Variants in DHX29 observed in about 807,000 individuals in gnomAD.
The protein encoded by DHX29 is DExH-box helicase 29, also known as ATP-dependent RNA helicase DHX29.
DHX29 carries 79 observed loss-of-function variants against 167.9 expected under a neutral mutation model. The ratio of observed to expected loss-of-function variants is 0.47; its 90% confidence interval spans 0.39 to 0.57. The LOEUF is 0.57. Ranked by LOEUF, DHX29 falls within the 20% of genes least tolerant of loss-of-function variation. The probability of loss-of-function intolerance (pLI) is 0.00; values close to 1 mark genes in which losing one functional copy is unlikely to be tolerated. For synonymous variants in DHX29, 530 were observed against 546.0 expected, an observed-to-expected ratio of 0.97 and a Z score of 0.41; for missense variants, 1,347 against 1,593.4, an observed-to-expected ratio of 0.85 and a Z score of 2.63.
chr5:55,262,370 C>A (rs1187713665), intron 24 of DHX29, among the ~76,000 whole-genome samples: 1 of 152,124 alleles, frequency 6.6e-6, no homozygotes, highest in Non-Finnish European at 1.5e-5. Context: ...ACATTATTAA[C>A]CAACATCAAT....
chr5:55,299,036 C>CAAAA (rs35986300), intron 1 of DHX29, among the ~76,000 whole-genome samples: 141 of 75,478 alleles, frequency 1.9e-3, no homozygotes, highest in Non-Finnish European at 2.5e-3. Context: ...GACTCCGTCT[C>CAAAA]AAAAAAAAAA....
chr5:55,264,338 G>A (rs185593551), intron 23 of DHX29, among the ~76,000 whole-genome samples: 35 of 152,174 alleles, frequency 2.3e-4, no homozygotes, highest in African/African-American at 8.4e-4. Context: ...AAACCATCTG[G>A]TTTCCGTTCC....
rs1746226866 is a variant in DHX29 at position 55,259,871 on chromosome 5, T to G, written c.4034A>C (p.Glu1345Ala). ...ACTTTCAAGGGACATCTTTGGATTT[T>G]CAAGCTTTTTTCTTAAAACTGAATC... The part of the protein sequence containing the change: ...LIDSVLRKKL[E>A]NPKMSLENDK... Residue 1345 changes from glutamate (E) to alanine (A), a missense_variant, in exon 26 of 27, where the codon GAA (glutamate) becomes GCA (alanine). This residue lies in a region of DHX29 where 882 missense variants were observed against 1,082.4 expected (regional missense o/e 0.81). Coordinates refer to ENST00000251636, the MANE Select transcript of DHX29 (RefSeq NM_019030.4). 5.0e-6 allele frequency: 8 copies of G among 1,608,144 alleles called. No individual in the cohort carries two copies. The highest frequency in any genetic ancestry group is 1.7e-5 in the Admixed American group (1 of 59,968).
At chr5:55,267,032 C>T (rs987583406) in intron 23 of DHX29, 106 bp downstream of exon 23, 1 of 665,328 alleles carries the variant, frequency 1.5e-6, no homozygotes, top group Admixed American at 3.2e-5. Flanking sequence ...CAAATGTTTA[C>T]TAAGCCCTTA....
chr5:55,285,242 A>G (rs200057425), intron 10 of DHX29, 51 bp downstream of exon 10: 109 of 1,586,498 alleles, frequency 6.9e-5, no homozygotes, highest in Middle Eastern at 5.1e-4. Flanking sequence ...TTGAACCATA[A>G]TTAAATACTG....
intron 15 of DHX29, 22 bp downstream of exon 15, chr5:55,274,844 C>A (rs1471733646): frequency 6.2e-7 from 1 of 1,603,366 alleles, no homozygotes; most frequent in Non-Finnish European, 8.5e-7. Flanking sequence ...CAAATGGAGA[C>A]CCATTAGAAA....
Position 55,294,058 on chromosome 5 carries a change from C to A in DHX29, c.739G>T (p.Glu247Ter). Residue 247 changes from glutamate to a stop codon, truncating the protein, a stop_gained, in exon 6 of 27, where the codon GAG becomes TAG. Transcript: ENST00000251636. LOFTEE classifies it high-confidence loss of function. The stretch of plus-strand genomic sequence containing the variant: ...TCCTCTTCTAAACTTTTAGAATTCT[C>A]ATTCTTTTCTTCTTCATTTTGTTGT... The part of the protein sequence containing the change: ...AEQQNEEEKN[E>*]NSKSLEEEEK... 6.2e-7 allele frequency: 1 copy of A among 1,608,852 alleles called. No homozygotes were observed. Among genetic ancestry groups the A allele is most frequent in the Non-Finnish European group, 8.5e-7 (1 of 1,178,204 alleles).
intron 20 of DHX29, among the ~76,000 whole-genome samples, chr5:55,269,960 G>T (rs1209346874): frequency 6.6e-6 from 1 of 152,098 alleles, no homozygotes; most frequent in Non-Finnish European, 1.5e-5. Flanking sequence ...AGTCTAAGAA[G>T]ACCTTTGTTT....
rs373454754 is a variant in DHX29 at position 55,285,261 on chromosome 5, A to G, written c.1356+32T>C. ...ACCATAATTAAATACTGCCTTCCAC[A>G]TACAGATATAGTTAGGCCTAAAAAG... On this transcript the variant is annotated intron_variant, in intron 10 of 26. Transcript: ENST00000251636. The G allele has an allele frequency of 4.7e-5, 75 of 1,605,170 alleles. No homozygotes were observed. The African/African-American group carries it at 9.1e-4, about 19-fold the overall frequency.
intron 17 of DHX29, 80 bp downstream of exon 17, chr5:55,273,213 C>T: frequency 7.1e-7 from 1 of 1,410,984 alleles, no homozygotes; most frequent in South Asian, 1.8e-5. Context: ...TAACAACTGT[C>T]TTTGATGATA....
In DHX29 at chr5:55,274,967, G is replaced by C. The variant is rs781761646; in HGVS notation, c.2471C>G (p.Pro824Arg). The C allele has an allele frequency of 1.9e-6, 3 of 1,613,840 alleles. No homozygotes were observed. In the South Asian group the frequency reaches 3.3e-5, roughly 18 times the overall value. The change falls in exon 15 of 27, where the codon CCA (proline) becomes CGA (arginine). Residue 824 changes from proline (P) to arginine (R), a missense_variant. By Grantham distance (103) the Pro-to-Arg change is moderately radical. Transcript: ENST00000251636. ...VQTGAHADLN[P>R]FYQKYSSRTQ... The stretch of plus-strand genomic sequence containing the variant: ...GCGGCTGCTGTACTTTTGGTAAAAT[G>C]GATTTAAATCAGCATGTGCTCCAGT...
chr5:55,278,308 T>G (rs1382745744), intron 12 of DHX29, among the ~76,000 whole-genome samples: 3 of 152,348 alleles, frequency 2.0e-5, no homozygotes, highest in Admixed American at 1.3e-4. Flanking sequence ...TTCATTTGTT[T>G]GGAAGGGAGG....
At position 55,274,929 on chromosome 5, in the gene DHX29, T is replaced by C. The variant is rs555451068; in HGVS notation, c.2509A>G (p.Ile837Val). Residue 837 changes from isoleucine (I) to valine (V), a missense_variant, in exon 15 of 27, where the codon ATT (isoleucine) becomes GTT (valine). Transcript: ENST00000251636. The stretch of plus-strand genomic sequence containing the variant: ...ATTTTATGAGGATTCATGTATAGAA[T>C]AGCATGCTGAGTGCGGCTGCTGTAC... ...QKYSSRTQHA[I>V]LYMNPHKINL... 22 of 1,613,908 alleles carry C rather than the reference T, an allele frequency of 1.4e-5. No individual in the cohort carries two copies. The highest frequency in any genetic ancestry group is 1.7e-4 in the Middle Eastern group (1 of 6,056).
intron 1 of DHX29, among the ~76,000 whole-genome samples, chr5:55,303,495 G>A (rs1335952572): frequency 6.6e-6 from 1 of 152,170 alleles, no homozygotes; most frequent in East Asian, 1.9e-4. Flanking sequence ...GGCCTGTGAG[G>A]AAGTACACAC....
chr5:55,267,231 T>C lies in DHX29; in HGVS notation c.3432A>G (p.Gly1144=), dbSNP rs1024697483. 31 of 1,607,658 alleles carry C rather than the reference T, an allele frequency of 1.9e-5. No homozygotes were observed. The Admixed American group carries it at 5.0e-4, about 26-fold the overall frequency. The change falls in exon 23 of 27, where the codon GGA becomes GGG. Residue 1144 remains glycine, a splice_region_variant and synonymous_variant. Coordinates refer to ENST00000251636, the MANE Select transcript of DHX29 (RefSeq NM_019030.4). ...CTCCTTCTTGTCGTGCTTTCTTCCA[T>C]CTAGATAAATAAAATGTCAATTAAT... is the stretch of plus-strand genomic sequence containing the variant. ...DHLTIYNAYL[G]WKKARQEGGY...
chr5:55,307,434 G>A lies in DHX29; in HGVS notation c.140C>T (p.Thr47Ile), dbSNP rs1338539353. 1 of 1,612,988 alleles carries A rather than the reference G, an allele frequency of 6.2e-7. No individual in the cohort carries two copies. Among genetic ancestry groups the A allele is most frequent in the South Asian group, 1.1e-5 (1 of 91,068 alleles). ...QSKKPVSRPA[T>I]AAAAAAGSRE... ...GGAGCCGGCAGCGGCAGCGGCAGCGGTGGCCGGCCTGGACACTGGCTTCTT... is the reference window on the plus strand; with the variant it reads ...GGAGCCGGCAGCGGCAGCGGCAGCGATGGCCGGCCTGGACACTGGCTTCTT... Residue 47 changes from threonine to isoleucine, a missense_variant, in exon 1 of 27, where the codon ACC becomes ATC. By Grantham distance (89) the Thr-to-Ile change is moderately conservative. Around this residue, in one of 3 missense-constraint regions of DHX29, gnomAD observed 405 missense variants for 416.8 expected, o/e 0.97. Coordinates refer to ENST00000251636, the MANE Select transcript of DHX29 (RefSeq NM_019030.4).
rs150568756 is a variant in DHX29, at chr5:55,270,418, A to G, written c.3063T>C (p.His1021=). 8.0e-5 allele frequency: 128 copies of G among 1,608,176 alleles called. No homozygotes were observed. In the African/African-American group the frequency reaches 1.5e-3, roughly 19 times the overall value. ...LRVPLEELCL[H]IMKCNLGSPE... ...CGAGTTCCCTTGAGATTACCATAAT[A>G]TGAAGGCATAATTCCTCCAAAGGTA... The change falls in exon 20 of 27, where the codon CAT becomes CAC. Residue 1021 remains histidine, a synonymous_variant. Transcript: ENST00000251636.
intron 11 of DHX29, among the ~76,000 whole-genome samples, chr5:55,282,204 T>A (rs1008813292): frequency 5.9e-5 from 9 of 152,220 alleles, no homozygotes; most frequent in African/African-American, 7.2e-5. Flanking sequence ...TAAATAATCA[T>A]GGAGCAAAAT....
chr5:55,259,002 G>GT (rs1171126761), intron 26 of DHX29, among the ~76,000 whole-genome samples: 1 of 152,032 alleles, frequency 6.6e-6, no homozygotes. Flanking sequence ...ACATATATAG[G>GT]TATGTGTATA....
Sources: allele counts gnomAD v4.1 joint callset (sites outside exome capture counted in the v4.1 genomes callset), GRCh38; gene constraint gnomAD v4.1.1; regional missense constraint gnomAD v4.1.1; transcripts MANE v1.5; gene names NCBI Gene and HGNC (gene_info 2026-07-23, HGNC 2026-07-21).